The following ARL15 variants were observed in gnomAD, a reference collection of about 807,000 sequenced individuals.
The protein encoded by ARL15 is ADP-ribosylation factor-like protein 15.
A neutral mutation model predicts 25.2 loss-of-function variants in ARL15; 19 were observed. The ratio of observed to expected loss-of-function variants is 0.75; its 90% CI spans 0.53 to 1.10. The LOEUF (loss-of-function observed/expected upper bound fraction) is 1.10. Among genes scored for constraint, ARL15 ranks in the 50% least tolerant of loss-of-function variants. ARL15 has a pLI of 0.00. For missense variants in ARL15, 220 were observed against 246.0 expected, an observed-to-expected ratio of 0.89 and a Z score of 0.71; for synonymous variants, 94 against 86.8, an observed-to-expected ratio of 1.08 and a Z score of -0.46.
intron 4 of ARL15, among the ~76,000 whole-genome samples, chr5:54,082,688 G>T (rs1479922520): frequency 6.6e-6 from 1 of 152,052 alleles, no homozygotes; most frequent in Non-Finnish European, 1.5e-5. Flanking sequence ...CTTTGTTTCT[G>T]AGTGTATATT....
At chr5:54,125,905 C>A (rs1753237911) in intron 3 of ARL15, among the ~76,000 whole-genome samples, 1 of 152,124 alleles carries the variant, frequency 6.6e-6, no homozygotes, top group Non-Finnish European at 1.5e-5. Flanking sequence ...TGACTGGCGA[C>A]TCATGATTCC....
chr5:54,067,354 T>C (rs966057481), intron 4 of ARL15, among the ~76,000 whole-genome samples: 1 of 152,184 alleles, frequency 6.6e-6, no homozygotes, highest in Non-Finnish European at 1.5e-5. Context: ...AAACTACTCA[T>C]TTTGTGAGCT....
chr5:54,256,538 GAGAA>G (rs1737320512), intron 1 of ARL15, among the ~76,000 whole-genome samples: 1 of 147,820 alleles, frequency 6.8e-6, no homozygotes, highest in South Asian at 2.1e-4. Context: ...CCAAAAGACT[GAGAA>G]AGACGGAATC....
chr5:54,244,298 C>G (rs940947989), intron 1 of ARL15, among the ~76,000 whole-genome samples: 4 of 152,102 alleles, frequency 2.6e-5, no homozygotes, highest in African/African-American at 7.2e-5. Context: ...ATTCACAGAC[C>G]TGTGTATTAA....
At chr5:54,074,173 G>C (rs39884) in intron 4 of ARL15, among the ~76,000 whole-genome samples, 76,323 of 152,002 alleles carry the variant, frequency 0.5, 21,341 homozygotes, top group Non-Finnish European at 0.62. Flanking sequence ...GGTGTGGGTG[G>C]TGGGAAATCC....
intron 2 of ARL15, among the ~76,000 whole-genome samples, chr5:54,158,464 T>G (rs1754303995): frequency 6.6e-6 from 1 of 152,204 alleles, no homozygotes; most frequent in Non-Finnish European, 1.5e-5. Flanking sequence ...CTACACTGTA[T>G]TCTGTAGGTC....
chr5:54,020,940 G>A (rs1284874851), intron 4 of ARL15, among the ~76,000 whole-genome samples: 2 of 150,482 alleles, frequency 1.3e-5, no homozygotes, highest in Non-Finnish European at 3.0e-5. Flanking sequence ...GGGTGACAGA[G>A]TGAAACTCCG....
intron 4 of ARL15, among the ~76,000 whole-genome samples, chr5:54,055,403 C>G (rs1360987206): frequency 3.0e-5 from 4 of 134,838 alleles, no homozygotes; most frequent in South Asian, 2.3e-4. Context: ...CTCTGTCGCC[C>G]AGGCTGGAGT....
intron 1 of ARL15, among the ~76,000 whole-genome samples, chr5:54,177,972 T>G (rs1000080944): frequency 1.3e-5 from 2 of 152,242 alleles, no homozygotes; most frequent in Admixed American, 6.5e-5. Context: ...GACACATGTA[T>G]TCTTTTCTAA....
chr5:54,246,817 C>T (rs1363108946), intron 1 of ARL15, among the ~76,000 whole-genome samples: 7 of 139,412 alleles, frequency 5.0e-5, no homozygotes, highest in Non-Finnish European at 1.0e-4. Context: ...CACACACACA[C>T]ACACACACAC....
At chr5:54,206,519 G>A (rs1377471734) in intron 1 of ARL15, among the ~76,000 whole-genome samples, 1 of 152,172 alleles carries the variant, frequency 6.6e-6, no homozygotes, top group Non-Finnish European at 1.5e-5. Context: ...AAAGCTGAGA[G>A]GGAAAGAAAT....
intron 1 of ARL15, among the ~76,000 whole-genome samples, chr5:54,262,981 T>G (rs993314351): frequency 1.6e-4 from 24 of 152,280 alleles, no homozygotes; most frequent in Non-Finnish European, 1.0e-4. Context: ...TCATCCAGGT[T>G]GAATTCATTT....
intron 2 of ARL15, among the ~76,000 whole-genome samples, chr5:54,161,727 C>A (rs896824785): frequency 1.8e-4 from 28 of 152,000 alleles, no homozygotes; most frequent in Non-Finnish European, 3.4e-4. Flanking sequence ...CAAATACTTC[C>A]AACAGTATTT....
At chr5:53,888,426 G>T (rs1402059162) in intron 4 of ARL15, among the ~76,000 whole-genome samples, 1 of 151,986 alleles carries the variant, frequency 6.6e-6, no homozygotes, top group African/African-American at 2.4e-5. Flanking sequence ...GACCATAGGT[G>T]CACGCCACAA....
At chr5:53,984,840 C>T (rs1580142254) in intron 4 of ARL15, among the ~76,000 whole-genome samples, 2 of 152,232 alleles carry the variant, frequency 1.3e-5, no homozygotes, top group East Asian at 3.9e-4. Flanking sequence ...CAAAGTGATT[C>T]CTGCAATCTT....
chr5:54,204,289 T>C (rs1755802694), intron 1 of ARL15, among the ~76,000 whole-genome samples: 2 of 152,196 alleles, frequency 1.3e-5, no homozygotes, highest in African/African-American at 4.8e-5. Context: ...ATATAACTAT[T>C]ATCTACGCCA....
At chr5:54,127,797 C>T (rs1441324343) in intron 3 of ARL15, among the ~76,000 whole-genome samples, 12 of 151,588 alleles carry the variant, frequency 7.9e-5, no homozygotes, top group African/African-American at 1.7e-4. Context: ...ACCAAAACAG[C>T]ATGGTACTGG....
At chr5:54,086,115 TG>T (rs149473439) in intron 4 of ARL15, among the ~76,000 whole-genome samples, 7,426 of 152,102 alleles carry the variant, frequency 0.049, 608 homozygotes, top group African/African-American at 0.17. Context: ...GGTTTCTCCA[TG>T]TTGGTCAGAG....
chr5:54,117,402 C>CACACAT, intron 3 of ARL15, among the ~76,000 whole-genome samples: 1 of 151,286 alleles, frequency 6.6e-6, no homozygotes, highest in South Asian at 2.1e-4. Context: ...CACACACACA[C>CACACAT]ACACAAACCC....
Sources: gnomAD v4.1 joint callset for allele counts (sites outside exome capture counted in the v4.1 genomes callset) on GRCh38, gnomAD v4.1.1 for gene constraint, MANE v1.5 for transcripts, NCBI Gene and HGNC (gene_info 2026-07-23, HGNC 2026-07-21) for gene names.